TMOD3: variants seen among roughly 807,000 people sequenced by gnomAD.
The protein encoded by TMOD3 is tropomodulin 3.
A neutral mutation model predicts 39.2 loss-of-function variants in TMOD3; 20 were observed. That is an observed-to-expected ratio of 0.51 (90% CI 0.36 to 0.74). The LOEUF (loss-of-function observed/expected upper bound fraction) is 0.74. Ranked by LOEUF, TMOD3 falls within the 30% of genes least tolerant of loss-of-function variation. TMOD3 has a pLI of 0.00. For synonymous variants in TMOD3, 143 were observed against 145.8 expected (o/e 0.98, Z 0.14); for missense variants, 381 against 412.8 (o/e 0.92, Z 0.67).
intron 3 of TMOD3, among the ~76,000 whole-genome samples, chr15:51,872,133 G>A (rs1008346412): frequency 1.3e-5 from 2 of 152,130 alleles, no homozygotes; most frequent in Admixed American, 6.5e-5. Context: ...GTAGCTCAAC[G>A]CCTGTAATCC....
At chr15:51,900,064 C>T (rs992484344) in intron 7 of TMOD3, 91 bp from the exon 8 acceptor site, 61 of 831,760 alleles carry the variant, frequency 7.3e-5, no homozygotes, top group Admixed American at 3.1e-4. Context: ...AACATTAAGG[C>T]AGTTAATTAA....
intron 5 of TMOD3, 57 bp downstream of exon 5, chr15:51,889,202 C>T (rs945801367): frequency 3.3e-5 from 40 of 1,203,850 alleles, no homozygotes; most frequent in Admixed American, 1.1e-4. Context: ...ATTTTGTTTT[C>T]GCCTTGTGTC....
chr15:51,877,926 C>T (rs1376258874), intron 3 of TMOD3, among the ~76,000 whole-genome samples: 1 of 152,048 alleles, frequency 6.6e-6, no homozygotes, highest in African/African-American at 2.4e-5. Context: ...GGTAGTTCCT[C>T]ACATACATGT....
intron 1 of TMOD3, among the ~76,000 whole-genome samples, chr15:51,842,534 G>C (rs926239155): frequency 9.2e-5 from 14 of 152,094 alleles, no homozygotes; most frequent in African/African-American, 3.4e-4. Context: ...ACTTACAAGT[G>C]CCCTGTCTGT....
At chr15:51,893,794 T>C in intron 5 of TMOD3, 21 bp from the exon 6 acceptor site, 1 of 1,487,430 alleles carries the variant, frequency 6.7e-7, no homozygotes, top group Non-Finnish European at 9.0e-7. Flanking sequence ...CAAATCCTGC[T>C]CTTTTCATTT....
chr15:51,852,548 A>C (rs981742299), intron 1 of TMOD3, among the ~76,000 whole-genome samples: 5 of 152,132 alleles, frequency 3.3e-5, no homozygotes, highest in Admixed American at 6.5e-5. Flanking sequence ...AGCTCAAATG[A>C]GTTGATAGGG....
chr15:51,861,831 G>T (rs927162945), intron 1 of TMOD3, among the ~76,000 whole-genome samples: 1 of 151,902 alleles, frequency 6.6e-6, no homozygotes, highest in Non-Finnish European at 1.5e-5. Context: ...CTGATGTTTT[G>T]TATTTTTCAC....
chr15:51,870,095 C>A (rs1406846199), intron 3 of TMOD3, among the ~76,000 whole-genome samples: 1 of 152,048 alleles, frequency 6.6e-6, no homozygotes, highest in Non-Finnish European at 1.5e-5. Context: ...CACACCAGCA[C>A]GTCTGGCTAA....
chr15:51,907,568 A>T (rs2593180), intron 9 of TMOD3, among the ~76,000 whole-genome samples: 7,455 of 152,282 alleles, frequency 0.049, 423 homozygotes, highest in African/African-American at 0.12. Context: ...CACCAGGTGT[A>T]CCTGTTGGCT....
chr15:51,836,693 C>T (rs1174062454), intron 1 of TMOD3, among the ~76,000 whole-genome samples: 6 of 150,372 alleles, frequency 4.0e-5, no homozygotes, highest in African/African-American at 1.5e-4. Flanking sequence ...TCACTGCACT[C>T]CAGCCTGGTG....
intron 1 of TMOD3, among the ~76,000 whole-genome samples, chr15:51,853,558 C>T (rs927812850): frequency 1.3e-5 from 2 of 152,144 alleles, no homozygotes; most frequent in African/African-American, 4.8e-5. Flanking sequence ...AACACTCTTA[C>T]CATTTTATGT....
At chr15:51,889,242 A>G in intron 5 of TMOD3, 97 bp downstream of exon 5, 1 of 741,862 alleles carries the variant, frequency 1.3e-6, no homozygotes, top group Non-Finnish European at 2.3e-6. Context: ...TAGATGTTAT[A>G]TATATGTACT....
chr15:51,857,537 T>C (rs1325426738), intron 1 of TMOD3, among the ~76,000 whole-genome samples: 2 of 152,210 alleles, frequency 1.3e-5, no homozygotes, highest in Admixed American at 1.3e-4. Context: ...GCCCCTAATA[T>C]CTCATTCCTA....
chr15:51,855,357 A>G (rs1437923785), intron 1 of TMOD3, among the ~76,000 whole-genome samples: 1 of 152,224 alleles, frequency 6.6e-6, no homozygotes, highest in Admixed American at 6.5e-5. Context: ...GGGCCCAGGA[A>G]TCTGTGTTTT....
intron 3 of TMOD3, among the ~76,000 whole-genome samples, chr15:51,884,832 G>A (rs1244940200): frequency 6.6e-6 from 1 of 152,186 alleles, no homozygotes; most frequent in Non-Finnish European, 1.5e-5. Context: ...GATGTCAACA[G>A]TGAGCTGCTA....
At chr15:51,860,261 C>T (rs2056410410) in intron 1 of TMOD3, 2 of 518,342 alleles carry the variant, frequency 3.9e-6, no homozygotes, top group South Asian at 2.9e-5. Flanking sequence ...CAGTTGAAAG[C>T]AGTGACACAT....
intron 1 of TMOD3, chr15:51,859,855 C>A: frequency 1.9e-6 from 1 of 526,540 alleles, no homozygotes; most frequent in South Asian, 1.5e-5. Flanking sequence ...CAACTCAAGT[C>A]AACTGCTTGT....
chr15:51,844,229 T>C (rs2056325540), intron 1 of TMOD3, among the ~76,000 whole-genome samples: 1 of 152,212 alleles, frequency 6.6e-6, no homozygotes, highest in Non-Finnish European at 1.5e-5. Flanking sequence ...TCCAGAGTTA[T>C]TCTCAAGCAC....
chr15:51,869,926 G>C (rs1469607105), intron 3 of TMOD3, among the ~76,000 whole-genome samples: 1 of 151,830 alleles, frequency 6.6e-6, no homozygotes, highest in Non-Finnish European at 1.5e-5. Context: ...TACGGCTGTG[G>C]TTGTTTTTTT....
Sources: gnomAD v4.1 joint callset for allele counts (sites outside exome capture counted in the v4.1 genomes callset) on GRCh38, gnomAD v4.1.1 for gene constraint, MANE v1.5 for transcripts, NCBI Gene and HGNC (gene_info 2026-07-23, HGNC 2026-07-21) for gene names.